The following RIN1 variants were observed in gnomAD, a reference collection of about 807,000 sequenced individuals.
RIN1 encodes Ras and Rab interactor 1.
In RIN1, 52 loss-of-function variants were observed where a neutral mutation model predicts 64.9. That is an observed-to-expected ratio of 0.80 (90% confidence interval 0.64 to 1.01). The LOEUF (loss-of-function observed/expected upper bound fraction) is 1.01. RIN1 is among the 50% of genes least tolerant of loss of function. RIN1 has a pLI of 0.00. For missense variants in RIN1, 1,040 were observed against 1,064.5 expected (o/e 0.98, Z 0.32); for synonymous variants, 486 against 483.6 (o/e 1.00, Z -0.06).
chr11:66,332,183 G>T lies in RIN1; in HGVS notation c.*93C>A. The T allele has an allele frequency of 8.5e-7, 1 of 1,174,006 alleles. No homozygotes were observed. Among genetic ancestry groups the T allele is most frequent in the Non-Finnish European group, 1.3e-6 (1 of 795,714 alleles). The allele number at this position is 1,174,006 out of a possible 1,614,324, so 72.7% of individuals were successfully genotyped here. On this transcript the variant is annotated 3_prime_UTR_variant, in exon 10 of 10. Coordinates refer to ENST00000311320, the MANE Select transcript of RIN1 (RefSeq NM_004292.3). ...CAGACAAAGGTGGTGGCAGACACAG[G>T]ACAGGGCCCTGGGTGGGGCTTGCTG...
intron 2 of RIN1, 51 bp from the exon 3 acceptor site, chr11:66,335,927 C>G (rs1250217045): frequency 7.3e-6 from 11 of 1,498,184 alleles, no homozygotes; most frequent in Non-Finnish European, 8.0e-6. Flanking sequence ...TCCCATCCCT[C>G]TCCCTCCCAC....
Position 66,334,043 on chromosome 11 carries a change from T to C in RIN1, c.1467A>G (p.Pro489=). The C allele has an allele frequency of 4.4e-6, 7 of 1,574,242 alleles. No homozygotes were observed. The highest frequency in any genetic ancestry group is 6.0e-6 in the Non-Finnish European group (7 of 1,160,926). ...TCTGGCGCACTTGCTCCAACTCTAC[T>C]GGGGAGGGCAGGCTCAGGTGGGACC... The part of the protein sequence containing the change: ...AFGSHLSLPS[P]VELEQVRQKL... The change falls in exon 7 of 10, where the codon CCA becomes CCG. Residue 489 remains proline (P), a synonymous_variant. Coordinates refer to ENST00000311320, the MANE Select transcript of RIN1 (RefSeq NM_004292.3).
Position 66,334,929 on chromosome 11 carries a change from C to T in RIN1, c.870G>A (p.Glu290=), listed in dbSNP as rs753685037. Residue 290 remains glutamate, a synonymous_variant, in exon 6 of 10, where the codon GAG becomes GAA. Coordinates refer to ENST00000311320, the MANE Select transcript of RIN1 (RefSeq NM_004292.3). ...RLPPCQLLRR[E]SSVGYRVPAG... is the part of the protein sequence containing the mutation. ...CTGGCACGCGGTACCCCACTGAGCT[C>T]TCCCTCCGTAGCAGCTGGCAAGGGG... is the stretch of plus-strand genomic sequence containing the variant. The T allele has an allele frequency of 1.3e-5, 20 of 1,586,998 alleles. No homozygotes were observed. Among genetic ancestry groups the T allele is most frequent in the Middle Eastern group, 3.3e-4 (2 of 5,986 alleles).
chr11:66,333,811 G>C, intron 7 of RIN1, 108 bp downstream of exon 7: 1 of 1,408,244 alleles, frequency 7.1e-7, no homozygotes, highest in Non-Finnish European at 9.4e-7. Flanking sequence ...GGGAGGGTGG[G>C]CTCATTCTCT....
intron 6 of RIN1, 139 bp from the exon 7 acceptor site, chr11:66,334,363 TG>T: frequency 8.0e-7 from 1 of 1,246,458 alleles, no homozygotes; most frequent in Non-Finnish European, 1.1e-6. Flanking sequence ...ACGGAAGAGT[TG>T]GGGGAGAGAG....
In RIN1 at chr11:66,332,290, C is replaced by T. The variant is rs751629204; in HGVS notation, c.2338G>A (p.Ala780Thr). The change falls in exon 10 of 10, where the codon GCA (alanine) becomes ACA (threonine). Residue 780 changes from alanine to threonine, a missense_variant. Ala to Thr is a moderately conservative substitution (Grantham distance 58). Coordinates refer to ENST00000311320, the MANE Select transcript of RIN1 (RefSeq NM_004292.3). Reference protein sequence around the residue: ...PGEPEAEGSRAAEE With the variant: ...PGEPEAEGSRTAEE ...GCCACTTCAAGCTACTCCTCTGCTGCCCGGCTTCCCTCTGCCTCTGGTTCC... is the reference window on the plus strand; with the variant it reads ...GCCACTTCAAGCTACTCCTCTGCTGTCCGGCTTCCCTCTGCCTCTGGTTCC... 1.9e-6 allele frequency: 3 copies of T among 1,614,054 alleles called. No individual in the cohort carries two copies. In the East Asian group the frequency reaches 6.7e-5, roughly 36 times the overall value.
Position 66,335,177 on chromosome 11 carries a change from C to A in RIN1, c.622G>T (p.Ala208Ser). Reference protein sequence around the residue: ...AGGPVLPQLKARSPQELDQGT... With the variant: ...AGGPVLPQLKSRSPQELDQGT... ...TGGTCCAGCTCTTGAGGGGACCGGG[C>A]CTTCAGCTGGGGCAACACTGGGCCT... The change falls in exon 6 of 10, where the codon GCC becomes TCC. Residue 208 changes from alanine (A) to serine (S), a missense_variant. Physicochemically the swap from Ala to Ser is moderately conservative, Grantham distance 99. Transcript: ENST00000311320. 1 of 1,555,580 alleles carries A rather than the reference C, an allele frequency of 6.4e-7. No individual in the cohort carries two copies.
chr11:66,333,650 C>A lies in RIN1; in HGVS notation c.1600G>T (p.Ala534Ser). ...MALRTQEGEG[A>S]GADEFLPLLS... Reference sequence around the variant, plus strand: ...AGAGGCAGGAACTCGTCGGCACCCGCGCCCTCCCCTGTGGGGACATGGTGA... The same window carrying A: ...AGAGGCAGGAACTCGTCGGCACCCGAGCCCTCCCCTGTGGGGACATGGTGA... Residue 534 changes from alanine to serine, a missense_variant, in exon 8 of 10, where the codon GCG becomes TCG. Ala to Ser is a moderately conservative substitution (Grantham distance 99, BLOSUM62 1). Coordinates refer to ENST00000311320, the MANE Select transcript of RIN1 (RefSeq NM_004292.3). 6.2e-7 allele frequency: 1 copy of A among 1,611,714 alleles called. No individual in the cohort carries two copies. The highest frequency in any genetic ancestry group is 8.5e-7 in the Non-Finnish European group (1 of 1,179,164).
chr11:66,336,604 T>G, upstream of RIN1: 1 of 545,442 alleles, frequency 1.8e-6, no homozygotes, highest in African/African-American at 1.9e-5. Flanking sequence ...ATGCTAGCCC[T>G]GCTCTGAGGG....
rs1028106640 is a variant in RIN1 at position 66,336,251 on chromosome 11, C to T, written c.86+66G>A. ...TCCCGGGTTTCCCACTTTCTCTATC[C>T]CCGGATAGGCCCTCCTCTCGCAGCC... On this transcript the variant is annotated intron_variant, in intron 1 of 9. Transcript: ENST00000311320. 7 of 1,525,100 alleles carry T rather than the reference C, an allele frequency of 4.6e-6. No homozygotes were observed. In the African/African-American group the frequency reaches 8.3e-5, roughly 18 times the overall value. The allele number at this position is 1,525,100 out of a possible 1,614,324, so 94.5% of individuals were successfully genotyped here.
rs1432980768 is a variant in RIN1, at chr11:66,334,141, C to T, written c.1369G>A (p.Ala457Thr). Residue 457 changes from alanine (A) to threonine (T), a missense_variant, in exon 7 of 10, where the codon GCC becomes ACC. Transcript: ENST00000311320. ...AGGCGGCCCAGGGAGCCGTCTGCGGCAAGCCGGCGCCGCAGGCGGGCTGCC... is the reference window on the plus strand; with the variant it reads ...AGGCGGCCCAGGGAGCCGTCTGCGGTAAGCCGGCGCCGCAGGCGGGCTGCC... Reference protein sequence around the residue: ...ILAARLRRRLAADGSLGRLAE... With the variant: ...ILAARLRRRLTADGSLGRLAE... 2.6e-6 allele frequency: 4 copies of T among 1,539,598 alleles called. No homozygotes were observed. In the South Asian group the frequency reaches 3.6e-5, roughly 14 times the overall value.
chr11:66,331,666 A>AT lies in RIN1; in HGVS notation c.*609dup, dbSNP rs1219806280. 1.3e-5 allele frequency: 2 copies of AT among 152,282 alleles called. No homozygotes were observed. The highest frequency in any genetic ancestry group is 4.8e-5 in the African/African-American group (2 of 41,392). 9.4% of individuals were successfully genotyped at this position (152,282 alleles called of 1,614,324 possible). On this transcript the variant is annotated 3_prime_UTR_variant, in exon 10 of 10. Coordinates refer to ENST00000311320, the MANE Select transcript of RIN1 (RefSeq NM_004292.3). The stretch of plus-strand genomic sequence containing the variant: ...AGCTCTGCTTGTAGCAAAATCACCC[A>AT]TTTTGATCACTGGGACACTTCTGGG...
Position 66,331,994 on chromosome 11 carries a change from C to T in RIN1, c.*282G>A. ...GGTTGGGCATCTGTCGGATTCGCCC[C>T]CACTTGGCACACCCTCATTGCAGGC... On this transcript the variant is annotated 3_prime_UTR_variant, in exon 10 of 10. Coordinates refer to ENST00000311320, the MANE Select transcript of RIN1 (RefSeq NM_004292.3). The T allele has an allele frequency of 2.0e-6, 1 of 509,622 alleles. No individual in the cohort carries two copies. The highest frequency in any genetic ancestry group is 2.6e-5 in the South Asian group (1 of 37,810). The allele number at this position is 509,622 out of a possible 1,614,324, so 31.6% of individuals were successfully genotyped here.
chr11:66,332,484 T>G lies in RIN1; in HGVS notation c.2144A>C (p.Glu715Ala). Residue 715 changes from glutamate (E) to alanine (A), a missense_variant, in exon 10 of 10, where the codon GAG (glutamate) becomes GCG (alanine). By Grantham distance (107) the Glu-to-Ala change is moderately radical. Coordinates refer to ENST00000311320, the MANE Select transcript of RIN1 (RefSeq NM_004292.3). The part of the protein sequence containing the change: ...EWPETQGAVT[E>A]EEGSGQSEAR... ...CTCTGACTGCCCACTGCCCTCCTCC[T>G]CTGTCACAGCCCCCTGGGTCTCAGG... 6 of 1,614,132 alleles carry G rather than the reference T, an allele frequency of 3.7e-6. No homozygotes were observed. Among genetic ancestry groups the G allele is most frequent in the Non-Finnish European group, 5.1e-6 (6 of 1,180,000 alleles).
At position 66,335,026 on chromosome 11, in the gene RIN1, G is replaced by A. The variant is rs1378489176; in HGVS notation, c.773C>T (p.Ser258Phe). 6.5e-7 allele frequency: 1 copy of A among 1,536,748 alleles called. No homozygotes were observed. Among genetic ancestry groups the A allele is most frequent in the Non-Finnish European group, 8.7e-7 (1 of 1,143,912 alleles). The change falls in exon 6 of 10, where the codon TCT (serine) becomes TTT (phenylalanine). Residue 258 changes from serine to phenylalanine, a missense_variant. Ser to Phe is a radical substitution (Grantham distance 155, BLOSUM62 -2). Transcript: ENST00000311320. ...RVSTETSSPL[S>F]PPAVPPPPVP... The stretch of plus-strand genomic sequence containing the variant: ...GGGGGGAGGTGGCACGGCAGGTGGA[G>A]ACAGGGGGCTGGAGGTCTCTGTGGA...
At position 66,333,651 on chromosome 11, in the gene RIN1, GCCCTC is replaced by G. The variant is rs1243262602; in HGVS notation, c.1594_1598del (p.Glu532ArgfsTer18). The G allele has an allele frequency of 6.2e-7, 1 of 1,611,494 alleles. No homozygotes were observed. The highest frequency in any genetic ancestry group is 8.5e-7 in the Non-Finnish European group (1 of 1,179,128). ...GAGGCAGGAACTCGTCGGCACCCGCGCCCTCCCCTGTGGGGACATGGTGAGAGGAA... is the reference window on the plus strand; with the variant it reads ...GAGGCAGGAACTCGTCGGCACCCGCGCCCTGTGGGGACATGGTGAGAGGAA... On this transcript the variant is annotated frameshift_variant and splice_region_variant, in exon 8 of 10. Transcript: ENST00000311320. LOFTEE classifies it high-confidence loss of function.
chr11:66,335,282 G>A (rs757584635), intron 5 of RIN1, 31 bp from the exon 6 acceptor site: 43 of 1,562,132 alleles, frequency 2.8e-5, no homozygotes, highest in Admixed American at 2.4e-4. Context: ...TGGGGCCTCC[G>A]GGACTGGTTA....
rs1854711533 is a variant in RIN1, at chr11:66,330,256, TA to T, written c.*2019del. ...CAAACTCCAATCAGTGAACAACATT[TA>T]TTGAACACCTATGGCATTTGTGCTC... On this transcript the variant is annotated 3_prime_UTR_variant, in exon 10 of 10. Transcript: ENST00000311320. 6.6e-6 allele frequency: 1 copy of T among 152,196 alleles called. No homozygotes were observed. 9.4% of individuals were successfully genotyped at this position (152,196 alleles called of 1,614,324 possible). A position where few individuals can be genotyped will look rare whatever the true frequency, so the allele number is the denominator to read the frequency against.
In RIN1 at chr11:66,334,244, G is replaced by A. The variant is rs1261609064; in HGVS notation, c.1286-20C>T. Reference sequence around the variant, plus strand: ...CATGTTCTGCCGGAGGGACAGGGAGGGGTCAGGGGAAGACTGGGGGTATGG... The same window carrying A: ...CATGTTCTGCCGGAGGGACAGGGAGAGGTCAGGGGAAGACTGGGGGTATGG... On this transcript the variant is annotated intron_variant, in intron 6 of 9. Transcript: ENST00000311320. 3 of 1,446,786 alleles carry A rather than the reference G, an allele frequency of 2.1e-6. No homozygotes were observed. Among genetic ancestry groups the A allele is most frequent in the Non-Finnish European group, 2.7e-6 (3 of 1,103,562 alleles). 89.6% of individuals were successfully genotyped at this position (1,446,786 alleles called of 1,614,324 possible). A position where few individuals can be genotyped will look rare whatever the true frequency, so the allele number is the denominator to read the frequency against.
Sources: allele counts gnomAD v4.1 joint callset, GRCh38; gene constraint gnomAD v4.1.1; transcripts MANE v1.5; gene names NCBI Gene and HGNC (gene_info 2026-07-23, HGNC 2026-07-21).